Variants in CALN1 observed in about 807,000 individuals in gnomAD.
CALN1 encodes the protein calneuron 1.
In CALN1, 17 loss-of-function variants were observed where a neutral mutation model predicts 30.6. The observed-to-expected ratio is 0.56, with a 90% CI of 0.38 to 0.83. CALN1 has a LOEUF of 0.83. Ranked by LOEUF, CALN1 falls within the 40% of genes least tolerant of loss-of-function variation. CALN1 has a pLI of 0.00. For missense variants in CALN1, 291 were observed against 354.9 expected (o/e 0.82, Z 1.45); for synonymous variants, 156 against 131.4 (o/e 1.19, Z -1.28).
chr7:71,841,871 CAAGGGCTTAAAGACTACCTATTG>C, intron 5 of CALN1, among the ~76,000 whole-genome samples: 1 of 151,864 alleles, frequency 6.6e-6, no homozygotes, highest in Admixed American at 6.6e-5. Flanking sequence ...GGGAGGGGGA[CAAGGGCTTAAAGACTACCTATTG>C]AGTATTATGT....
chr7:72,248,727 A>C (rs1185326642), intron 3 of CALN1, among the ~76,000 whole-genome samples: 2 of 152,104 alleles, frequency 1.3e-5, no homozygotes, highest in Non-Finnish European at 2.9e-5. Flanking sequence ...GTCAGGAATT[A>C]GGACACGCAC....
At chr7:72,220,698 G>A (rs978983152) in intron 3 of CALN1, among the ~76,000 whole-genome samples, 5 of 151,790 alleles carry the variant, frequency 3.3e-5, no homozygotes, top group Non-Finnish European at 7.4e-5. Context: ...ATCCTCTCCA[G>A]CACCTGTTGT....
At chr7:71,990,074 G>A (rs577810451) in intron 5 of CALN1, among the ~76,000 whole-genome samples, 1 of 152,144 alleles carries the variant, frequency 6.6e-6, no homozygotes, top group African/African-American at 2.4e-5. Flanking sequence ...CACAGGATGA[G>A]ATTGGAGTTT....
intron 2 of CALN1, among the ~76,000 whole-genome samples, chr7:72,330,902 C>T (rs1001613874): frequency 1.3e-5 from 2 of 152,204 alleles, no homozygotes; most frequent in African/African-American, 4.8e-5. Context: ...CTTCTCCACC[C>T]TGTTACCTAA....
At chr7:72,178,284 A>C (rs532082486) in intron 3 of CALN1, among the ~76,000 whole-genome samples, 11 of 152,338 alleles carry the variant, frequency 7.2e-5, no homozygotes, top group African/African-American at 2.6e-4. Context: ...CATTAAAGGG[A>C]AATTCTGAGA....
At chr7:72,429,342 C>T (rs373026761) in intron 1 of CALN1, among the ~76,000 whole-genome samples, 69 of 152,302 alleles carry the variant, frequency 4.5e-4, no homozygotes, top group African/African-American at 1.7e-3. Context: ...CTTGCAACAT[C>T]TCCAGCACCT....
intron 5 of CALN1, among the ~76,000 whole-genome samples, chr7:71,894,458 A>C (rs1361435812): frequency 6.6e-6 from 1 of 152,112 alleles, no homozygotes; most frequent in African/African-American, 2.4e-5. Flanking sequence ...GTAGAGACGG[A>C]GTCTCGTTAT....
chr7:72,215,374 A>C (rs987177513), intron 3 of CALN1, among the ~76,000 whole-genome samples: 3 of 152,084 alleles, frequency 2.0e-5, no homozygotes, highest in African/African-American at 7.2e-5. Context: ...TGGGCAGATC[A>C]CCTGAGGTCA....
At chr7:72,246,753 A>ATTTTTT (rs58282615) in intron 3 of CALN1, among the ~76,000 whole-genome samples, 8,423 of 116,312 alleles carry the variant, frequency 0.072, 492 homozygotes, top group Non-Finnish European at 0.083. Flanking sequence ...TACCAGAACA[A>ATTTTTT]TTTTTTTTTT....
intron 5 of CALN1, among the ~76,000 whole-genome samples, chr7:71,954,802 G>C (rs1336261046): frequency 1.3e-5 from 2 of 152,220 alleles, no homozygotes; most frequent in Non-Finnish European, 2.9e-5. Flanking sequence ...TGGGAGAAGA[G>C]AACTGGCAGC....
chr7:71,815,985 T>G (rs1026815724), intron 5 of CALN1, among the ~76,000 whole-genome samples: 3 of 151,794 alleles, frequency 2.0e-5, no homozygotes, highest in African/African-American at 7.3e-5. Context: ...TCAAGCAATC[T>G]TCTAGGTGGA....
At chr7:72,120,539 C>T (rs1328598497) in intron 3 of CALN1, among the ~76,000 whole-genome samples, 1 of 152,066 alleles carries the variant, frequency 6.6e-6, no homozygotes, top group Non-Finnish European at 1.5e-5. Flanking sequence ...ATGGCCATTT[C>T]CTTAAGATGA....
intron 3 of CALN1, among the ~76,000 whole-genome samples, chr7:72,231,717 A>G (rs1245616408): frequency 6.6e-6 from 1 of 152,184 alleles, no homozygotes; most frequent in East Asian, 1.9e-4. Flanking sequence ...TGTACTAGGT[A>G]CAGAGCTCAG....
chr7:72,389,012 T>C (rs1265076191), intron 2 of CALN1, among the ~76,000 whole-genome samples: 1 of 152,216 alleles, frequency 6.6e-6, no homozygotes, highest in Non-Finnish European at 1.5e-5. Context: ...TCCTCTGTTC[T>C]GGAAACACCC....
intron 2 of CALN1, among the ~76,000 whole-genome samples, chr7:72,285,109 A>C (rs1797996739): frequency 2.0e-5 from 3 of 152,182 alleles, no homozygotes; most frequent in Non-Finnish European, 4.4e-5. Context: ...GAGATAAGTA[A>C]AAGAACTGAG....
chr7:71,878,694 C>T (rs1006908750), intron 5 of CALN1, among the ~76,000 whole-genome samples: 1 of 152,108 alleles, frequency 6.6e-6, no homozygotes, highest in Non-Finnish European at 1.5e-5. Flanking sequence ...ACAAAAATGC[C>T]CATGAAATGT....
intron 5 of CALN1, among the ~76,000 whole-genome samples, chr7:71,913,200 G>A (rs1243986535): frequency 1.3e-5 from 2 of 152,194 alleles, no homozygotes; most frequent in Non-Finnish European, 2.9e-5. Flanking sequence ...AAAGAGAAAC[G>A]AGGAGCTGGC....
chr7:72,495,650 A>G, the CALN1 span, among the ~76,000 whole-genome samples: 1 of 152,138 alleles, frequency 6.6e-6, no homozygotes, highest in Non-Finnish European at 1.5e-5. Context: ...CAGAGAACAA[A>G]ACTCAAATGG....
At chr7:72,014,369 G>A (rs760605532) in intron 5 of CALN1, among the ~76,000 whole-genome samples, 19 of 152,158 alleles carry the variant, frequency 1.2e-4, no homozygotes, top group Non-Finnish European at 2.4e-4. Context: ...TTACAGGCGT[G>A]AGCCACTGCA....
Sources: allele counts gnomAD v4.1 joint callset (sites outside exome capture counted in the v4.1 genomes callset), GRCh38; gene constraint gnomAD v4.1.1; transcripts MANE v1.5; gene names NCBI Gene and HGNC (gene_info 2026-07-23, HGNC 2026-07-21).